Variants in SLC8A1 observed in about 807,000 individuals in gnomAD.
SLC8A1 encodes the protein solute carrier family 8 member A1, also known as sodium/calcium exchanger 1.
Under a neutral mutation model 68.3 loss-of-function variants are expected in SLC8A1, and 18 were observed. The ratio of observed to expected loss-of-function variants is 0.26; its 90% CI spans 0.18 to 0.39. The LOEUF is 0.39. SLC8A1 is among the 10% of genes least tolerant of loss of function. SLC8A1 has a pLI of 1.00. For synonymous variants in SLC8A1, 475 were observed against 415.5 expected (o/e 1.14, Z -1.74); for missense variants, 985 against 1,156.7 (o/e 0.85, Z 2.15).
At chr2:40,106,211 C>G (rs889194658) in exon 8 of SLC8A1, 1 of 152,142 alleles carries the variant, frequency 6.6e-6, no homozygotes, top group East Asian at 1.9e-4. Flanking sequence ...TCACCATGTA[C>G]AGTTGTTTCT....
Position 40,360,755 on chromosome 2 carries a change from C to T in SLC8A1, c.1808+67718G>A, listed in dbSNP as rs1362099132. Among the ~76,000 whole-genome samples the T allele has an allele frequency of 2.0e-5, 3 of 152,134 alleles. No individual in the cohort carries two copies. In the South Asian group the frequency reaches 6.2e-4, roughly 32 times the overall value. On this transcript the variant is annotated intron_variant, in intron 2 of 7. Coordinates refer to ENST00000406785, the Ensembl canonical transcript of SLC8A1. ...ACTCTCAACCCCTATGAGACAGAGC[C>T]CACTACTCCATGAGACTCTAGTTCT... is the stretch of plus-strand genomic sequence containing the variant.
intron 2 of SLC8A1, among the ~76,000 whole-genome samples, chr2:40,376,234 A>G (rs954143029): frequency 2.0e-5 from 3 of 152,120 alleles, no homozygotes; most frequent in African/African-American, 4.8e-5. Context: ...AGCATCTAAC[A>G]ATGTACAATT....
chr2:40,306,261 C>T (rs1033547579), intron 2 of SLC8A1, among the ~76,000 whole-genome samples: 1 of 152,136 alleles, frequency 6.6e-6, no homozygotes, highest in Non-Finnish European at 1.5e-5. Flanking sequence ...CCCCAAATGG[C>T]AGAGCTGAGA....
At chr2:40,326,781 G>A (rs1337914648) in intron 2 of SLC8A1, among the ~76,000 whole-genome samples, 3 of 152,118 alleles carry the variant, frequency 2.0e-5, no homozygotes, top group Non-Finnish European at 4.4e-5. Context: ...ACTTCCAGGA[G>A]GGCCTGTGTT....
intron 2 of SLC8A1, among the ~76,000 whole-genome samples, chr2:40,295,464 A>G (rs969551455): frequency 6.6e-6 from 1 of 152,176 alleles, no homozygotes; most frequent in African/African-American, 2.4e-5. Context: ...GGTGTATACT[A>G]TGTCATTCTA....
rs116260166 is a variant in SLC8A1 at position 40,359,484 on chromosome 2, G to C, written c.1808+68989C>G. 2.3e-3 allele frequency among the ~76,000 whole-genome samples: 343 copies of C among 152,236 alleles called. 1 individual carries two copies. Among genetic ancestry groups the C allele is most frequent in the African/African-American group, 8.0e-3 (331 of 41,544 alleles). ...AGCATTGGGAGGCTTTACGAAGAGAGACAATGGGATCTTCGCAGCTTCTGG... is the reference window on the plus strand; with the variant it reads ...AGCATTGGGAGGCTTTACGAAGAGACACAATGGGATCTTCGCAGCTTCTGG... On this transcript the variant is annotated intron_variant, in intron 2 of 7. Transcript: ENST00000406785.
At chr2:40,450,547 C>T (rs1208080877) in intron 1 of SLC8A1, among the ~76,000 whole-genome samples, 5 of 152,266 alleles carry the variant, frequency 3.3e-5, no homozygotes, top group South Asian at 2.1e-4. Context: ...CAGAAATCTC[C>T]ACCTACTCAG....
At chr2:40,491,199 C>T (rs531820198) in intron 1 of SLC8A1, among the ~76,000 whole-genome samples, 34 of 152,258 alleles carry the variant, frequency 2.2e-4, no homozygotes, top group African/African-American at 7.0e-4. Context: ...AGGTCCTTCA[C>T]GTCCCTTGTA....
At chr2:40,396,748 T>TAAAAAAAAAAAAAAAAAAAAA (rs368483768) in intron 2 of SLC8A1, among the ~76,000 whole-genome samples, 3 of 87,084 alleles carry the variant, frequency 3.4e-5, no homozygotes, top group African/African-American at 6.2e-5. Context: ...CTCTAATAAC[T>TAAAAAAAAAAAAAAAAAAAAA]AAAAAAAAAA....
At position 40,239,190 on chromosome 2, in the gene SLC8A1, G is replaced by T. The variant is rs201440661; in HGVS notation, c.1809-61335C>A. Among the ~76,000 whole-genome samples the T allele has an allele frequency of 2.6e-5, 4 of 152,266 alleles. No homozygotes were observed. The East Asian group carries it at 7.7e-4, about 29-fold the overall frequency. On this transcript the variant is annotated intron_variant, in intron 2 of 7. Transcript: ENST00000406785. ...GCAAATGTCAATCATGCAAAAAGGGGCATAAAGTAGGTTTATTTAAAAAGT... is the reference window on the plus strand; with the variant it reads ...GCAAATGTCAATCATGCAAAAAGGGTCATAAAGTAGGTTTATTTAAAAAGT...
intron 2 of SLC8A1, among the ~76,000 whole-genome samples, chr2:40,362,802 T>A (rs536117874): frequency 2.6e-5 from 4 of 152,244 alleles, no homozygotes; most frequent in African/African-American, 9.6e-5. Flanking sequence ...AAAAACTACA[T>A]CTTTTTGTAC....
chr2:40,455,807 A>G (rs1449124399), upstream of SLC8A1, among the ~76,000 whole-genome samples: 2 of 152,164 alleles, frequency 1.3e-5, no homozygotes, highest in Non-Finnish European at 2.9e-5. Flanking sequence ...GTTTTGACCA[A>G]CTGAACACCA....
intron 2 of SLC8A1, among the ~76,000 whole-genome samples, chr2:40,187,399 C>G (rs1389629612): frequency 6.6e-6 from 1 of 152,094 alleles, no homozygotes; most frequent in Non-Finnish European, 1.5e-5. Context: ...TTGTCCGTGC[C>G]CTGATCTTTT....
chr2:40,170,247 C>T, intron 4 of SLC8A1, 34 bp downstream of exon 7: 1 of 1,582,906 alleles, frequency 6.3e-7, no homozygotes, highest in Non-Finnish European at 8.7e-7. Context: ...CTCTGGGAGG[C>T]TGTGGTTTTC....
chr2:40,203,395 T>A (rs1036981057), intron 2 of SLC8A1, among the ~76,000 whole-genome samples: 1 of 151,950 alleles, frequency 6.6e-6, no homozygotes, highest in Non-Finnish European at 1.5e-5. Context: ...CCCAATAACA[T>A]TGTGCTAATA....
intron 2 of SLC8A1, among the ~76,000 whole-genome samples, chr2:40,273,767 G>C (rs1199194537): frequency 1.3e-5 from 2 of 151,844 alleles, no homozygotes; most frequent in African/African-American, 4.8e-5. Flanking sequence ...TAATGCCTCA[G>C]ATAGAGTGAA....
At chr2:40,501,459 T>C (rs766753590) in intron 1 of SLC8A1, among the ~76,000 whole-genome samples, 1 of 152,148 alleles carries the variant, frequency 6.6e-6, no homozygotes, top group Non-Finnish European at 1.5e-5. Flanking sequence ...TCAAGTTTCA[T>C]TTATCTCCCT....
At chr2:40,434,144 C>CA (rs376511482) in intron 1 of SLC8A1, among the ~76,000 whole-genome samples, 16 of 152,232 alleles carry the variant, frequency 1.1e-4, no homozygotes, top group African/African-American at 3.6e-4. Flanking sequence ...AAAAGGTCAC[C>CA]AGATGTCTAA....
intron 2 of SLC8A1, among the ~76,000 whole-genome samples, chr2:40,313,494 G>C (rs892848898): frequency 1.3e-5 from 2 of 152,026 alleles, no homozygotes; most frequent in Non-Finnish European, 2.9e-5. Flanking sequence ...TCCTAAGGTA[G>C]TCGTACCATT....
Sources: allele counts gnomAD v4.1 joint callset (sites outside exome capture counted in the v4.1 genomes callset), GRCh38; gene constraint gnomAD v4.1.1; transcripts MANE v1.5; gene names NCBI Gene and HGNC (gene_info 2026-07-23, HGNC 2026-07-21).